Variants in CHST12 observed in about 807,000 individuals in gnomAD.
The protein encoded by CHST12 is carbohydrate (chondroitin 4) sulfotransferase 12.
CHST12 carries 23 observed loss-of-function variants against 27.9 expected under a neutral mutation model. That is an observed-to-expected ratio of 0.82 (90% CI 0.59 to 1.17). CHST12 has a LOEUF of 1.17. CHST12 is among the 50% of genes most tolerant of loss of function. The pLI is 0.00. For missense variants in CHST12, 682 were observed against 603.0 expected (o/e 1.13, Z -1.37); for synonymous variants, 322 against 273.0 (o/e 1.18, Z -1.77).
In CHST12 at chr7:2,433,736, C is replaced by G. The variant is rs757528849; in HGVS notation, c.1097C>G (p.Pro366Arg). 109 of 1,613,650 alleles carry G rather than the reference C, an allele frequency of 6.8e-5. No homozygotes were observed. Among genetic ancestry groups the G allele is most frequent in the Non-Finnish European group, 8.7e-5 (103 of 1,179,994 alleles). The change falls in exon 2 of 2, where the codon CCG (proline) becomes CGG (arginine). Residue 366 changes from proline to arginine, a missense_variant. By Grantham distance (103) the Pro-to-Arg change is moderately radical. Transcript: ENST00000618655. The surrounding 1 kb of genome is among the most constrained non-coding windows in gnomAD (Gnocchi z 6.1). ...LQVDRQLRFPPSYRNRTASSW... is the reference protein window; with the variant it reads ...LQVDRQLRFPRSYRNRTASSW... ...GTGGACCGGCAGCTCCGCTTCCCCC[C>G]GAGCTACCGGAACAGGACCGCCAGC...
chr7:2,404,123 C>G (rs183046652), intron 1 of CHST12: 1 of 152,668 alleles, frequency 6.6e-6, no homozygotes, highest in Non-Finnish European at 1.5e-5. Context: ...CGAGGGCCCC[C>G]GTGTGCCTGC....
At chr7:2,406,288 A>T (rs1201447305) in intron 1 of CHST12, among the ~76,000 whole-genome samples, 2 of 149,444 alleles carry the variant, frequency 1.3e-5, no homozygotes, top group Non-Finnish European at 3.0e-5. Context: ...CCTGCTGTTA[A>T]GGTGGTGGTT....
rs1328998883 is a variant in CHST12, at chr7:2,443,834, C to T, written c.*9950C>T. The T allele has an allele frequency of 2.0e-5, 3 of 152,126 alleles. No individual in the cohort carries two copies. The highest frequency in any genetic ancestry group is 7.2e-5 in the African/African-American group (3 of 41,412). The allele number at this position is 152,126 out of a possible 1,614,324, so 9.4% of individuals were successfully genotyped here. A position where few individuals can be genotyped will look rare whatever the true frequency, so the allele number is the denominator to read the frequency against. On this transcript the variant is annotated 3_prime_UTR_variant, in exon 2 of 2. Coordinates refer to ENST00000618655, the MANE Select transcript of CHST12 (RefSeq NM_018641.5). ...GTGGTCTCATCTCTTCTCTCTCAAACCATGGATGGTGCCTTTTAAAGAAAA... is the reference window on the plus strand; with the variant it reads ...GTGGTCTCATCTCTTCTCTCTCAAATCATGGATGGTGCCTTTTAAAGAAAA...
chr7:2,420,515 A>T (rs1307568582), intron 1 of CHST12, among the ~76,000 whole-genome samples: 2 of 152,038 alleles, frequency 1.3e-5, no homozygotes, highest in African/African-American at 4.8e-5. Flanking sequence ...TCTCTTCAAG[A>T]CCCTGCTCTA....
Position 2,445,790 on chromosome 7 carries a change from C to A in CHST12, c.*11906C>A, listed in dbSNP as rs140743290. 6.6e-6 allele frequency: 1 copy of A among 152,326 alleles called. No homozygotes were observed. The highest frequency in any genetic ancestry group is 2.4e-5 in the African/African-American group (1 of 41,562). The allele number at this position is 152,326 out of a possible 1,614,324, so 9.4% of individuals were successfully genotyped here. ...CTGGGTGCCCGCCCACAGGTGTCAC[C>A]CTTTAAGGAGAAAGTGGCCTGGGGC... On this transcript the variant is annotated 3_prime_UTR_variant, in exon 2 of 2. Transcript: ENST00000618655.
Position 2,433,298 on chromosome 7 carries a change from G to C in CHST12, c.659G>C (p.Trp220Ser), listed in dbSNP as rs555747319. 2 of 1,612,370 alleles carry C rather than the reference G, an allele frequency of 1.2e-6. No homozygotes were observed. Among genetic ancestry groups the C allele is most frequent in the South Asian group, 2.2e-5 (2 of 91,082 alleles). The change falls in exon 2 of 2, where the codon TGG (tryptophan) becomes TCG (serine). Residue 220 changes from tryptophan to serine, a missense_variant. Coordinates refer to ENST00000618655, the MANE Select transcript of CHST12 (RefSeq NM_018641.5). The surrounding 1 kb of genome is among the most constrained non-coding windows in gnomAD (Gnocchi z 6.1). ...GCGCACCTGACCTTCAACAAGTTCT[G>C]GCGCCGCTACGGGAAGCTCTCCCGC... is the stretch of plus-strand genomic sequence containing the variant. ...ASAHLTFNKF[W>S]RRYGKLSRHL... is the part of the protein sequence containing the mutation.
At chr7:2,415,578 C>T (rs1409941976) in intron 1 of CHST12, among the ~76,000 whole-genome samples, 1 of 151,298 alleles carries the variant, frequency 6.6e-6, no homozygotes, top group African/African-American at 2.4e-5. Flanking sequence ...GCGGTGGTTG[C>T]TGAAGGCTGG....
chr7:2,406,704 G>T (rs1042344547), intron 1 of CHST12, among the ~76,000 whole-genome samples: 5 of 152,266 alleles, frequency 3.3e-5, no homozygotes, highest in African/African-American at 9.6e-5. Flanking sequence ...GAGGTCCCCA[G>T]TCAGCAGACC....
chr7:2,410,011 G>T (rs1781623505), intron 1 of CHST12, among the ~76,000 whole-genome samples: 1 of 152,108 alleles, frequency 6.6e-6, no homozygotes, highest in Admixed American at 6.5e-5. Flanking sequence ...GCAGTGATAT[G>T]ATCTCATTGC....
At chr7:2,432,488 C>A in intron 1 of CHST12, 75 bp from the exon 2 acceptor site, 1 of 893,784 alleles carries the variant, frequency 1.1e-6, no homozygotes, top group Non-Finnish European at 1.7e-6. Flanking sequence ...GACCCCAGTC[C>A]CCCACTGATC....
In CHST12 at chr7:2,447,650, T is replaced by C. The variant is rs1369553215; in HGVS notation, c.*13766T>C. On this transcript the variant is annotated 3_prime_UTR_variant, in exon 2 of 2. Transcript: ENST00000618655. ...ACCAAGCCCAGCTAATTTTTGTATT[T>C]TTAGTAGAGATGAGGTTTCACCATG... 1 of 152,070 alleles carries C rather than the reference T, an allele frequency of 6.6e-6. No individual in the cohort carries two copies. The highest frequency in any genetic ancestry group is 2.4e-5 in the African/African-American group (1 of 41,384). 9.4% of individuals were successfully genotyped at this position (152,070 alleles called of 1,614,324 possible). A position where few individuals can be genotyped will look rare whatever the true frequency, so the allele number is the denominator to read the frequency against.
At chr7:2,407,923 G>A (rs1281655790) in intron 1 of CHST12, among the ~76,000 whole-genome samples, 2 of 151,944 alleles carry the variant, frequency 1.3e-5, no homozygotes, top group African/African-American at 4.8e-5. Context: ...ATGAGACTCC[G>A]TCTCAAAAAT....
intron 1 of CHST12, among the ~76,000 whole-genome samples, chr7:2,420,232 C>G (rs1781934576): frequency 6.6e-6 from 1 of 152,094 alleles, no homozygotes; most frequent in South Asian, 2.1e-4. Context: ...CTCGGCTTCC[C>G]AAAGTGCTGG....
intron 1 of CHST12, among the ~76,000 whole-genome samples, chr7:2,416,667 T>G (rs1048882179): frequency 5.3e-5 from 8 of 152,140 alleles, no homozygotes; most frequent in African/African-American, 1.9e-4. Flanking sequence ...CACAAGTCAT[T>G]GTAGGATCTG....
At position 2,437,754 on chromosome 7, in the gene CHST12, A is replaced by T. The variant is rs191295012; in HGVS notation, c.*3870A>T. Reference sequence around the variant, plus strand: ...CGCGCACACACACACACACACACACACTCTCTCTCACACACACATCGGGAT... The same window carrying T: ...CGCGCACACACACACACACACACACTCTCTCTCTCACACACACATCGGGAT... On this transcript the variant is annotated 3_prime_UTR_variant, in exon 2 of 2. Transcript: ENST00000618655. 314 of 122,032 alleles carry T rather than the reference A, an allele frequency of 2.6e-3. No individual in the cohort carries two copies. Among genetic ancestry groups the T allele is most frequent in the South Asian group, 9.0e-3 (34 of 3,792 alleles). 7.6% of individuals were successfully genotyped at this position (122,032 alleles called of 1,614,324 possible).
chr7:2,432,308 C>T (rs1782293012), intron 1 of CHST12, among the ~76,000 whole-genome samples: 2 of 152,148 alleles, frequency 1.3e-5, no homozygotes, highest in Admixed American at 6.5e-5. Context: ...TGGCGAGTGT[C>T]AGCACATGTG....
intron 1 of CHST12, among the ~76,000 whole-genome samples, chr7:2,410,670 G>A (rs1781642281): frequency 6.6e-6 from 1 of 152,128 alleles, no homozygotes; most frequent in African/African-American, 2.4e-5. Flanking sequence ...AAGGAAGCGT[G>A]GGACTGCCCT....
chr7:2,432,079 T>C (rs911753554), intron 1 of CHST12, among the ~76,000 whole-genome samples: 4 of 138,976 alleles, frequency 2.9e-5, no homozygotes, highest in Non-Finnish European at 4.5e-5. Flanking sequence ...GAGGTGCAGC[T>C]TGCAGTGAGC....
At chr7:2,415,732 C>T (rs1187667582) in intron 1 of CHST12, among the ~76,000 whole-genome samples, 1 of 151,992 alleles carries the variant, frequency 6.6e-6, no homozygotes, top group Non-Finnish European at 1.5e-5. Context: ...CCTGCCTCAG[C>T]CTCCTGAGTA....
Sources: allele counts gnomAD v4.1 joint callset (sites outside exome capture counted in the v4.1 genomes callset), GRCh38; gene constraint gnomAD v4.1.1; non-coding constraint Gnocchi (gnomAD v3.1); transcripts MANE v1.5; gene names NCBI Gene and HGNC (gene_info 2026-07-23, HGNC 2026-07-21).